The following C4orf54 variants were observed in gnomAD, a reference collection of about 807,000 sequenced individuals.
The protein encoded by C4orf54 is uncharacterized protein C4orf54.
A neutral mutation model predicts 80.1 loss-of-function variants in C4orf54; 67 were observed. That is an observed-to-expected ratio of 0.84 (90% confidence interval 0.69 to 1.03). C4orf54 has a LOEUF of 1.03. C4orf54 is among the 50% of genes least tolerant of loss of function. C4orf54 has a pLI of 0.00. For synonymous variants in C4orf54, 1,000 were observed against 917.0 expected (o/e 1.09, Z -1.64); for missense variants, 2,434 against 2,253.5 (o/e 1.08, Z -1.62).
intron 1 of C4orf54, among the ~76,000 whole-genome samples, chr4:99,656,824 G>T (rs1726987085): frequency 6.6e-6 from 1 of 152,154 alleles, no homozygotes; most frequent in Admixed American, 6.5e-5. Flanking sequence ...TTCAGAGCTT[G>T]GACCTTTACC....
Position 99,651,346 on chromosome 4 carries a change from G to A in C4orf54, c.3303C>T (p.Pro1101=), listed in dbSNP as rs1726821798. 1 of 1,536,156 alleles carries A rather than the reference G, an allele frequency of 6.5e-7. No individual in the cohort carries two copies. Among genetic ancestry groups the A allele is most frequent in the Non-Finnish European group, 8.7e-7 (1 of 1,146,924 alleles). Residue 1101 remains proline (P), a synonymous_variant, in exon 2 of 3, where the codon CCC becomes CCT. Coordinates refer to ENST00000511828, the MANE Select transcript of C4orf54 (RefSeq NM_001354435.2). The part of the protein sequence containing the change: ...DIRDKSKAQG[P]LHQVRDVRKL... ...TCCTGACATCTCTCACCTGGTGGAG[G>A]GGGCCTTGAGCCTTGGACTTGTCTC...
Position 99,653,374 on chromosome 4 carries a change from C to T in C4orf54, c.1275G>A (p.Glu425=), listed in dbSNP as rs1726898429. The T allele has an allele frequency of 1.3e-6, 2 of 1,536,164 alleles. No individual in the cohort carries two copies. Among genetic ancestry groups the T allele is most frequent in the African/African-American group, 1.4e-5 (1 of 73,018 alleles). The change falls in exon 2 of 3, where the codon GAG becomes GAA. Residue 425 remains glutamate, a synonymous_variant. Transcript: ENST00000511828. ...TPGDITSLTE[E]DDDNSCYLST... is the part of the protein sequence containing the mutation. ...TGAGGTAGCAGCTGTTGTCGTCGTCCTCTTCGGTCAGACTGGTGATGTCCC... is the reference window on the plus strand; with the variant it reads ...TGAGGTAGCAGCTGTTGTCGTCGTCTTCTTCGGTCAGACTGGTGATGTCCC...
At chr4:99,647,824 G>A (rs1397599424) in intron 2 of C4orf54, among the ~76,000 whole-genome samples, 1 of 152,112 alleles carries the variant, frequency 6.6e-6, no homozygotes, top group East Asian at 1.9e-4. Flanking sequence ...CCCTACTAGA[G>A]GTGACACATG....
At chr4:99,657,244 G>C (rs1726992075) in intron 1 of C4orf54, among the ~76,000 whole-genome samples, 1 of 152,258 alleles carries the variant, frequency 6.6e-6, no homozygotes, top group Admixed American at 6.5e-5. Flanking sequence ...ATAGTCTAAG[G>C]AGGAATTTTC....
At chr4:99,642,785 G>A (rs1158574732) in intron 2 of C4orf54, among the ~76,000 whole-genome samples, 2 of 152,212 alleles carry the variant, frequency 1.3e-5, no homozygotes, top group Non-Finnish European at 2.9e-5. Context: ...TTTAGGACCA[G>A]AACACATGAC....
At position 99,653,505 on chromosome 4, in the gene C4orf54, T is replaced by G. The variant is rs1356218178; in HGVS notation, c.1144A>C (p.Met382Leu). Residue 382 changes from methionine (M) to leucine (L), a missense_variant, in exon 2 of 3, where the codon ATG becomes CTG. Transcript: ENST00000511828. ...GAGGCCAGTCCCACGTCGAAATCCATGTCCTGTTCCACCTCACTCAGCTGG... is the reference window on the plus strand; with the variant it reads ...GAGGCCAGTCCCACGTCGAAATCCAGGTCCTGTTCCACCTCACTCAGCTGG... ...EIQLSEVEQD[M>L]DFDVGLASRW... 1 of 1,536,084 alleles carries G rather than the reference T, an allele frequency of 6.5e-7. No individual in the cohort carries two copies. The highest frequency in any genetic ancestry group is 2.4e-5 in the East Asian group (1 of 40,918).
rs1421609707 is a variant in C4orf54 at position 99,650,063 on chromosome 4, C to T, written c.4586G>A (p.Arg1529Gln). 4.6e-6 allele frequency: 7 copies of T among 1,535,798 alleles called. No homozygotes were observed. The highest frequency in any genetic ancestry group is 1.4e-5 in the African/African-American group (1 of 73,038). The part of the protein sequence containing the change: ...SKGSQVSGTS[R>Q]PAWRTKPDNP... The stretch of plus-strand genomic sequence containing the variant: ...GTCAGGTTTGGTACGCCAAGCTGGT[C>T]GGCTGGTTCCACTAACCTGAGAGCC... Residue 1529 changes from arginine (R) to glutamine (Q), a missense_variant, in exon 2 of 3, where the codon CGA becomes CAA. Transcript: ENST00000511828.
chr4:99,654,556 T>G lies in C4orf54; in HGVS notation c.93A>C (p.Arg31=), dbSNP rs1215757576. 5.7e-6 allele frequency: 4 copies of G among 703,074 alleles called. No individual in the cohort carries two copies. The highest frequency in any genetic ancestry group is 7.8e-6 in the Non-Finnish European group (3 of 385,018). The allele number at this position is 703,074 out of a possible 1,614,324, so 43.6% of individuals were successfully genotyped here. A position where few individuals can be genotyped will look rare whatever the true frequency, so the allele number is the denominator to read the frequency against. ...ADGIQTPRCC[R]RCQANNWTGQ... The stretch of plus-strand genomic sequence containing the variant: ...CTGTCCAGTTGTTTGCCTGGCACCG[T>G]CGGCAGCAGCGAGGAGTCTGAATGC... Residue 31 remains arginine, a synonymous_variant, in exon 2 of 3, where the codon CGA becomes CGC. Coordinates refer to ENST00000511828, the MANE Select transcript of C4orf54 (RefSeq NM_001354435.2).
Position 99,651,836 on chromosome 4 carries a change from C to T in C4orf54, c.2813G>A (p.Arg938His), listed in dbSNP as rs772764932. 11 of 1,536,124 alleles carry T rather than the reference C, an allele frequency of 7.2e-6. No homozygotes were observed. The highest frequency in any genetic ancestry group is 1.7e-4 in the Middle Eastern group (1 of 5,990). Residue 938 changes from arginine (R) to histidine (H), a missense_variant, in exon 2 of 3, where the codon CGT becomes CAT. By Grantham distance (29) the Arg-to-His change is conservative. Transcript: ENST00000511828. Reference sequence around the variant, plus strand: ...TGACCGGAACGCACTGTTCTGACTACGGAGGAAGATGCCCTTGACGGTCTC... The same window carrying T: ...TGACCGGAACGCACTGTTCTGACTATGGAGGAAGATGCCCTTGACGGTCTC... ...ASETVKGIFL[R>H]SQNSAFRSWK...
At position 99,653,858 on chromosome 4, in the gene C4orf54, C is replaced by A; in HGVS notation, c.791G>T (p.Gly264Val). The change falls in exon 2 of 3, where the codon GGC becomes GTC. Residue 264 changes from glycine (G) to valine (V), a missense_variant. Physicochemically the swap from Gly to Val is moderately radical, Grantham distance 109. Transcript: ENST00000511828. ...GGAGGATGAGGAAGATGAGAAATTG[C>A]CACCCTCTTCAGAGGCAGAGTGCTG... ...RSQHSASEEG[G>V]NFSSSSSSSP... 1 of 1,536,206 alleles carries A rather than the reference C, an allele frequency of 6.5e-7. No homozygotes were observed. Among genetic ancestry groups the A allele is most frequent in the Non-Finnish European group, 8.7e-7 (1 of 1,146,906 alleles).
chr4:99,656,402 C>A (rs1726978553), intron 1 of C4orf54, among the ~76,000 whole-genome samples: 1 of 151,934 alleles, frequency 6.6e-6, no homozygotes, highest in African/African-American at 2.4e-5. Context: ...ACCTCAGCCT[C>A]CTTAGCAGCT....
In C4orf54 at chr4:99,653,454, C is replaced by A; in HGVS notation, c.1195G>T (p.Val399Leu). The A allele has an allele frequency of 6.5e-7, 1 of 1,536,146 alleles. No homozygotes were observed. Among genetic ancestry groups the A allele is most frequent in the South Asian group, 1.2e-5 (1 of 84,056 alleles). The change falls in exon 2 of 3, where the codon GTG (valine) becomes TTG (leucine). Residue 399 changes from valine to leucine, a missense_variant. Physicochemically the swap from Val to Leu is conservative, Grantham distance 32. Coordinates refer to ENST00000511828, the MANE Select transcript of C4orf54 (RefSeq NM_001354435.2). ...GCATAATCCACGAACGAGTAGATCACGTTGTTGTCCTCGAAATCCCAGCGG... is the reference window on the plus strand; with the variant it reads ...GCATAATCCACGAACGAGTAGATCAAGTTGTTGTCCTCGAAATCCCAGCGG... The part of the protein sequence containing the change: ...ASRWDFEDNN[V>L]IYSFVDYASF...
In C4orf54 at chr4:99,654,617, C is replaced by T. The variant is rs1347125204; in HGVS notation, c.32G>A (p.Gly11Asp). Residue 11 changes from glycine (G) to aspartate (D), a missense_variant, in exon 2 of 3, where the codon GGT (glycine) becomes GAT (aspartate). Physicochemically the swap from Gly to Asp is moderately conservative, Grantham distance 94 (BLOSUM62 -1). Coordinates refer to ENST00000511828, the MANE Select transcript of C4orf54 (RefSeq NM_001354435.2). MLSFHFWKSR[G>D]QPTDAASSVA... Reference sequence around the variant, plus strand: ...GGAAGAAGCAGCATCTGTAGGTTGACCCCGGGACTTCCAGAAATGAAAGGA... The same window carrying T: ...GGAAGAAGCAGCATCTGTAGGTTGATCCCGGGACTTCCAGAAATGAAAGGA... 1.4e-6 allele frequency: 1 copy of T among 697,558 alleles called. No homozygotes were observed. The highest frequency in any genetic ancestry group is 1.7e-5 in the African/African-American group (1 of 57,162). The allele number at this position is 697,558 out of a possible 1,614,324, so 43.2% of individuals were successfully genotyped here.
At chr4:99,644,750 A>C (rs999664112) in intron 2 of C4orf54, among the ~76,000 whole-genome samples, 1 of 151,356 alleles carries the variant, frequency 6.6e-6, no homozygotes, top group Non-Finnish European at 1.5e-5. Flanking sequence ...ATAATAATAA[A>C]AAAAAAAACT....
chr4:99,650,006 C>T lies in C4orf54; in HGVS notation c.4643G>A (p.Gly1548Glu). 1.3e-6 allele frequency: 2 copies of T among 1,535,116 alleles called. No individual in the cohort carries two copies. Among genetic ancestry groups the T allele is most frequent in the Non-Finnish European group, 1.7e-6 (2 of 1,146,478 alleles). The change falls in exon 2 of 3, where the codon GGG (glycine) becomes GAG (glutamate). Residue 1548 changes from glycine (G) to glutamate (E), a missense_variant. Transcript: ENST00000511828. ...GGGGGGATGCTCGGGGCTCTGTGGCCCTGGGGGGGCAGCTACTGTCTCCCG... is the reference window on the plus strand; with the variant it reads ...GGGGGGATGCTCGGGGCTCTGTGGCTCTGGGGGGGCAGCTACTGTCTCCCG... ...NPRETVAAPP[G>E]PQSPEHPPTT...
Position 99,651,077 on chromosome 4 carries a change from G to C in C4orf54, c.3572C>G (p.Thr1191Arg). The part of the protein sequence containing the change: ...RVLNSSSPEG[T>R]VLVHRASGRL... ...GCCAGATGCCCTGTGAACCAAGACT[G>C]TCCCTTCTGGGGAGGAAGAATTCAA... The change falls in exon 2 of 3, where the codon ACA (threonine) becomes AGA (arginine). Residue 1191 changes from threonine to arginine, a missense_variant. Transcript: ENST00000511828. 2 of 1,536,146 alleles carry C rather than the reference G, an allele frequency of 1.3e-6. No homozygotes were observed. Among genetic ancestry groups the C allele is most frequent in the Non-Finnish European group, 1.7e-6 (2 of 1,146,910 alleles).
chr4:99,649,968 G>T lies in C4orf54; in HGVS notation c.4681C>A (p.His1561Asn), dbSNP rs1384083116. 1 of 1,534,392 alleles carries T rather than the reference G, an allele frequency of 6.5e-7. No individual in the cohort carries two copies. Among genetic ancestry groups the T allele is most frequent in the African/African-American group, 1.4e-5 (1 of 72,960 alleles). The change falls in exon 2 of 3, where the codon CAC (histidine) becomes AAC (asparagine). Residue 1561 changes from histidine (H) to asparagine (N), a missense_variant. Transcript: ENST00000511828. ...AGGGTGAAGGGCAGCGGCGGCTGGT[G>T]GTAGATGGTGGTGGGGGGATGCTCG... is the stretch of plus-strand genomic sequence containing the variant. ...SPEHPPTTIYHQPPLPFTLQG... is the reference protein window; with the variant it reads ...SPEHPPTTIYNQPPLPFTLQG...
Position 99,650,213 on chromosome 4 carries a change from G to C in C4orf54, c.4436C>G (p.Ser1479Cys). Reference protein sequence around the residue: ...NYLTIPLKGSSAAGELLSRPG... With the variant: ...NYLTIPLKGSCAAGELLSRPG... The stretch of plus-strand genomic sequence containing the variant: ...CCTGCTAAGAAGCTCCCCTGCAGCA[G>C]AGCTTCCTTTAAGAGGGATGGTCAG... Residue 1479 changes from serine (S) to cysteine (C), a missense_variant, in exon 2 of 3, where the codon TCT becomes TGT. Coordinates refer to ENST00000511828, the MANE Select transcript of C4orf54 (RefSeq NM_001354435.2). 6.5e-7 allele frequency: 1 copy of C among 1,536,054 alleles called. No individual in the cohort carries two copies. The highest frequency in any genetic ancestry group is 2.0e-5 in the Admixed American group (1 of 50,992).
intron 2 of C4orf54, among the ~76,000 whole-genome samples, chr4:99,646,978 C>G (rs914476962): frequency 6.6e-6 from 1 of 152,160 alleles, no homozygotes; most frequent in African/African-American, 2.4e-5. Flanking sequence ...TTCAATTTGG[C>G]TAAGTCAACT....
Sources: gnomAD v4.1 joint callset for allele counts (sites outside exome capture counted in the v4.1 genomes callset) on GRCh38, gnomAD v4.1.1 for gene constraint, MANE v1.5 for transcripts, NCBI Gene and HGNC (gene_info 2026-07-23, HGNC 2026-07-21) for gene names.